Variants in PPID observed in about 807,000 individuals in gnomAD.
PPID encodes peptidylprolyl isomerase D, also known as peptidyl-prolyl cis-trans isomerase D.
PPID carries 47 observed loss-of-function variants against 48.1 expected under a neutral mutation model. The observed-to-expected ratio is 0.98, with a 90% confidence interval of 0.77 to 1.25. The LOEUF (loss-of-function observed/expected upper bound fraction) is 1.25, where lower values mean the gene tolerates loss of function less well. Among genes scored for constraint, PPID ranks in the 50% most tolerant of loss-of-function variants. PPID has a pLI of 0.00. For synonymous variants in PPID, 163 were observed against 148.8 expected (o/e 1.10, Z -0.69); for missense variants, 429 against 443.5 (o/e 0.97, Z 0.29).
At chr4:158,722,398 C>CA (rs772305656) in intron 1 of PPID, among the ~76,000 whole-genome samples, 11 of 152,214 alleles carry the variant, frequency 7.2e-5, no homozygotes, top group Non-Finnish European at 1.3e-4. Context: ...ACCTCTGAAG[C>CA]AAAAGCTGTA....
Position 158,710,563 on chromosome 4 carries a change from A to G in PPID, c.1024+65T>C, listed in dbSNP as rs758554229. On this transcript the variant is annotated intron_variant, in intron 9 of 9. Coordinates refer to ENST00000307720, the MANE Select transcript of PPID (RefSeq NM_005038.3). ...CATCTAAAATCTGGCAAAGTGAACAATGGTTCCTGAGGATAAGTATTTAAA... is the reference window on the plus strand; with the variant it reads ...CATCTAAAATCTGGCAAAGTGAACAGTGGTTCCTGAGGATAAGTATTTAAA... The G allele has an allele frequency of 2.3e-5, 35 of 1,535,972 alleles. No individual in the cohort carries two copies. In the African/African-American group the frequency reaches 2.9e-4, roughly 13 times the overall value.
intron 6 of PPID, among the ~76,000 whole-genome samples, chr4:158,715,049 C>T (rs962302512): frequency 1.3e-5 from 2 of 151,926 alleles, no homozygotes; most frequent in Non-Finnish European, 2.9e-5. Context: ...TCTGTAAAAA[C>T]GTAAACAGCA....
chr4:158,713,664 G>T (rs1774825186), intron 6 of PPID, among the ~76,000 whole-genome samples: 1 of 152,172 alleles, frequency 6.6e-6, no homozygotes, highest in African/African-American at 2.4e-5. Context: ...CCCCAAAACT[G>T]AGCACACCTG....
At position 158,710,770 on chromosome 4, in the gene PPID, G is replaced by A; in HGVS notation, c.973C>T (p.Gln325Ter). The change falls in exon 8 of 10, where the codon CAA (glutamine) becomes TAA (stop). Residue 325 changes from glutamine (Q) to a stop codon, truncating the protein, a stop_gained. Coordinates refer to ENST00000307720, the MANE Select transcript of PPID (RefSeq NM_005038.3). LOFTEE classifies it high-confidence loss of function. ...QGWQGLKEYD[Q>*]ALADLKKAQG... Reference sequence around the variant, plus strand: ...TTTGGAACAAAATTTACCAATGCTTGATCATATTCTTTTAATCCTTGCCAT... The same window carrying A: ...TTTGGAACAAAATTTACCAATGCTTAATCATATTCTTTTAATCCTTGCCAT... 6.2e-7 allele frequency: 1 copy of A among 1,613,446 alleles called. No individual in the cohort carries two copies. Among genetic ancestry groups the A allele is most frequent in the Non-Finnish European group, 8.5e-7 (1 of 1,179,422 alleles).
chr4:158,717,985 A>AC (rs925304864), intron 3 of PPID, among the ~76,000 whole-genome samples: 6 of 151,970 alleles, frequency 3.9e-5, no homozygotes, highest in Middle Eastern at 3.4e-3. Context: ...GTTTCATGAC[A>AC]CCCCCCACCC....
chr4:158,721,314 A>G (rs763194324), intron 2 of PPID, 29 bp downstream of exon 2: 2 of 1,608,504 alleles, frequency 1.2e-6, no homozygotes, highest in Non-Finnish European at 1.7e-6. Flanking sequence ...TGTATGAAGA[A>G]TAACAAGATT....
chr4:158,715,788 T>C, intron 4 of PPID, 104 bp from the exon 5 acceptor site: 1 of 1,297,914 alleles, frequency 7.7e-7, no homozygotes, highest in South Asian at 1.3e-5. Flanking sequence ...CACAGATTTA[T>C]GTGAGAAGGC....
At chr4:158,711,093 C>T (rs906943705) in intron 7 of PPID, among the ~76,000 whole-genome samples, 2 of 152,098 alleles carry the variant, frequency 1.3e-5, no homozygotes, top group Admixed American at 1.3e-4. Flanking sequence ...TTCAATCTCC[C>T]GAATGGGCCT....
In PPID at chr4:158,723,356, CCAGAG is replaced by C. The variant is rs1365437471; in HGVS notation, c.-73_-69del. The C allele has an allele frequency of 6.8e-7, 1 of 1,475,956 alleles. No individual in the cohort carries two copies. The highest frequency in any genetic ancestry group is 9.4e-7 in the Non-Finnish European group (1 of 1,064,228). The allele number at this position is 1,475,956 out of a possible 1,614,324, so 91.4% of individuals were successfully genotyped here. ...AGTGGCCGCCCGGGCCGCCCAAACT[CCAGAG>C]TCCGTCTCCGCCGGAGACCGGCAGC... On this transcript the variant is annotated 5_prime_UTR_variant, in exon 1 of 10. Coordinates refer to ENST00000307720, the MANE Select transcript of PPID (RefSeq NM_005038.3).
intron 2 of PPID, among the ~76,000 whole-genome samples, chr4:158,720,701 T>C (rs74351331): frequency 8.9e-5 from 12 of 135,520 alleles, no homozygotes; most frequent in African/African-American, 1.2e-4. Flanking sequence ...TTATGCATTT[T>C]TTTGTTTGTT....
intron 1 of PPID, among the ~76,000 whole-genome samples, chr4:158,721,738 C>T (rs1051940879): frequency 5.9e-5 from 9 of 152,174 alleles, no homozygotes; most frequent in Non-Finnish European, 1.2e-4. Flanking sequence ...ATCTACCCAA[C>T]CCCTGAAATC....
chr4:158,721,511 T>G, intron 1 of PPID, 28 bp from the exon 2 acceptor site: 2 of 1,607,004 alleles, frequency 1.2e-6, no homozygotes, highest in Non-Finnish European at 8.5e-7. Flanking sequence ...CTTGTCAGTA[T>G]GCAAAACAAC....
At chr4:158,710,342 A>G in intron 9 of PPID, 1 of 505,650 alleles carries the variant, frequency 2.0e-6, no homozygotes, top group Non-Finnish European at 3.5e-6. Context: ...AGGATACCAT[A>G]AGACAAACAG....
At chr4:158,716,969 C>A in intron 4 of PPID, 43 bp downstream of exon 4, 1 of 1,564,208 alleles carries the variant, frequency 6.4e-7, no homozygotes, top group East Asian at 2.2e-5. Flanking sequence ...AAAAAGATAG[C>A]AACTAAGATA....
At chr4:158,711,317 C>T (rs952330051) in intron 7 of PPID, among the ~76,000 whole-genome samples, 1 of 152,072 alleles carries the variant, frequency 6.6e-6, no homozygotes, top group Non-Finnish European at 1.5e-5. Flanking sequence ...CCTCAACCCC[C>T]CAGGCTCAAG....
At chr4:158,710,341 T>A (rs1489694099) in intron 9 of PPID, 1 of 503,394 alleles carries the variant, frequency 2.0e-6, no homozygotes, top group Non-Finnish European at 3.5e-6. Flanking sequence ...AAGGATACCA[T>A]AAGACAAACA....
At position 158,717,190 on chromosome 4, in the gene PPID, T is replaced by TC; in HGVS notation, c.343dup (p.Glu115GlyfsTer40). ...TGCATTTGCCATGCTCAGTAAACCCTCCCGATCATGCTGTAGAAATAAAAA... is the reference window on the plus strand; with the variant it reads ...TGCATTTGCCATGCTCAGTAAACCCTCCCCGATCATGCTGTAGAAATAAAAA... On this transcript the variant is annotated frameshift_variant, in exon 4 of 10. Transcript: ENST00000307720. LOFTEE classifies it high-confidence loss of function. 6.2e-7 allele frequency: 1 copy of TC among 1,609,882 alleles called. No individual in the cohort carries two copies. Among genetic ancestry groups the TC allele is most frequent in the Non-Finnish European group, 8.5e-7 (1 of 1,178,842 alleles).
In PPID at chr4:158,719,350, T is replaced by C. The variant is rs553881625; in HGVS notation, c.227-64A>G. 3.4e-5 allele frequency: 36 copies of C among 1,053,812 alleles called. No individual in the cohort carries two copies. The African/African-American group carries it at 4.3e-4, about 12-fold the overall frequency. 65.3% of individuals were successfully genotyped at this position (1,053,812 alleles called of 1,614,324 possible). The stretch of plus-strand genomic sequence containing the variant: ...GGATGCCTTTAGCAATGCTTACTAA[T>C]GGATACGTACGTAAGACAACTTTGT... On this transcript the variant is annotated intron_variant, in intron 2 of 9. Transcript: ENST00000307720.
chr4:158,723,375 G>A lies in PPID; in HGVS notation c.-87C>T. 7.4e-7 allele frequency: 1 copy of A among 1,360,186 alleles called. No homozygotes were observed. Among genetic ancestry groups the A allele is most frequent in the Non-Finnish European group, 1.0e-6 (1 of 972,162 alleles). 84.3% of individuals were successfully genotyped at this position (1,360,186 alleles called of 1,614,324 possible). A position where few individuals can be genotyped will look rare whatever the true frequency, so the allele number is the denominator to read the frequency against. On this transcript the variant is annotated 5_prime_UTR_variant, in exon 1 of 10. Coordinates refer to ENST00000307720, the MANE Select transcript of PPID (RefSeq NM_005038.3). ...CAAACTCCAGAGTCCGTCTCCGCCG[G>A]AGACCGGCAGCGACGCTGACCGGCC... is the stretch of plus-strand genomic sequence containing the variant.
Sources: allele counts gnomAD v4.1 joint callset (sites outside exome capture counted in the v4.1 genomes callset), GRCh38; gene constraint gnomAD v4.1.1; transcripts MANE v1.5; gene names NCBI Gene and HGNC (gene_info 2026-07-23, HGNC 2026-07-21).